Variants in CSMD1 observed in about 807,000 individuals in gnomAD.
CSMD1 encodes CUB and sushi domain-containing protein 1.
A neutral mutation model predicts 417.5 loss-of-function variants in CSMD1; 213 were observed. The observed-to-expected ratio is 0.51, with a 90% CI of 0.46 to 0.57. The LOEUF (loss-of-function observed/expected upper bound fraction) is 0.57, where lower values mean the gene tolerates loss of function less well. Among genes scored for constraint, CSMD1 ranks in the 20% least tolerant of loss-of-function variants. The pLI is 0.00. For synonymous variants in CSMD1, 2,862 were observed against 1,736.8 expected (o/e 1.65, Z -16.11); for missense variants, 6,923 against 4,529.7 (o/e 1.53, Z -15.17).
At chr8:4,775,831 C>T (rs1480615890) in intron 1 of CSMD1, among the ~76,000 whole-genome samples, 3 of 152,072 alleles carry the variant, frequency 2.0e-5, no homozygotes, top group Non-Finnish European at 2.9e-5. Context: ...GAAAGTTCCC[C>T]TTAATATTGT....
intron 3 of CSMD1, among the ~76,000 whole-genome samples, chr8:4,056,895 A>G (rs1243610093): frequency 1.3e-5 from 2 of 152,208 alleles, no homozygotes; most frequent in African/African-American, 2.4e-5. Flanking sequence ...ATAGTATTCC[A>G]TAGAGTATAT....
intron 1 of CSMD1, among the ~76,000 whole-genome samples, chr8:4,984,411 T>A (rs1008229049): frequency 2.6e-5 from 4 of 152,226 alleles, no homozygotes; most frequent in African/African-American, 9.6e-5. Context: ...GACCTTCAGC[T>A]TTAAAGAGCA....
chr8:4,903,711 A>G (rs1032762751), intron 1 of CSMD1, among the ~76,000 whole-genome samples: 2 of 152,294 alleles, frequency 1.3e-5, no homozygotes, highest in South Asian at 2.1e-4. Context: ...CCACAACTCT[A>G]AAGAGCAACA....
chr8:3,543,512 G>A (rs920356405), intron 10 of CSMD1, among the ~76,000 whole-genome samples: 14 of 152,132 alleles, frequency 9.2e-5, no homozygotes, highest in Admixed American at 6.6e-5. Context: ...CTGTGGAAAT[G>A]GGAGGATGGC....
At chr8:4,504,332 G>C (rs1345678963) in intron 2 of CSMD1, among the ~76,000 whole-genome samples, 2 of 152,098 alleles carry the variant, frequency 1.3e-5, no homozygotes, top group Non-Finnish European at 2.9e-5. Context: ...AAGGAAAATG[G>C]AGAATTGCTA....
At chr8:3,512,398 T>A (rs75877837) in intron 10 of CSMD1, among the ~76,000 whole-genome samples, 2 of 152,028 alleles carry the variant, frequency 1.3e-5, no homozygotes, top group East Asian at 1.9e-4. Flanking sequence ...TCTCTCCCCA[T>A]AGACAGGCTT....
intron 7 of CSMD1, among the ~76,000 whole-genome samples, chr8:3,617,408 T>A (rs1490434063): frequency 1.3e-5 from 2 of 152,160 alleles, no homozygotes; most frequent in African/African-American, 4.8e-5. Context: ...TTGGATAGAG[T>A]AGCTCTCACT....
At chr8:4,800,946 T>C (rs1798251780) in intron 1 of CSMD1, among the ~76,000 whole-genome samples, 1 of 152,254 alleles carries the variant, frequency 6.6e-6, no homozygotes. Flanking sequence ...CTGATTGTTA[T>C]TTTTTAAAAG....
intron 10 of CSMD1, among the ~76,000 whole-genome samples, chr8:3,501,627 G>A (rs527851369): frequency 6.6e-6 from 1 of 152,136 alleles, no homozygotes; most frequent in African/African-American, 2.4e-5. Flanking sequence ...ACGCTATAAT[G>A]TATCTGATTC....
intron 5 of CSMD1, among the ~76,000 whole-genome samples, chr8:3,932,498 G>C (rs891841419): frequency 6.6e-6 from 1 of 150,454 alleles, no homozygotes; most frequent in Non-Finnish European, 1.5e-5. Context: ...GCTAAGTCTA[G>C]GGAAAGCAGC....
intron 16 of CSMD1, 139 bp downstream of exon 16, chr8:3,399,252 G>T: frequency 1.5e-6 from 1 of 681,070 alleles, no homozygotes. Context: ...TTACAAGTAA[G>T]TGCCTGTTTC....
chr8:3,214,739 T>C (rs928356561), intron 29 of CSMD1, 48 bp from the exon 30 acceptor site: 13 of 1,449,242 alleles, frequency 9.0e-6, no homozygotes, highest in South Asian at 8.2e-5. Context: ...GATCTTATTC[T>C]TGTTTGTGTT....
intron 2 of CSMD1, among the ~76,000 whole-genome samples, chr8:4,492,067 G>C (rs1428744213): frequency 2.0e-5 from 3 of 151,626 alleles, no homozygotes; most frequent in East Asian, 1.9e-4. Context: ...GACCTGTCAA[G>C]ACACAAAAAG....
chr8:3,553,319 C>G (rs1018793276), intron 10 of CSMD1, among the ~76,000 whole-genome samples: 1 of 152,184 alleles, frequency 6.6e-6, no homozygotes, highest in African/African-American at 2.4e-5. Flanking sequence ...GAGCCAATTT[C>G]AGGAATTTTT....
chr8:4,450,886 G>T (rs960346926), intron 2 of CSMD1, among the ~76,000 whole-genome samples: 1 of 152,088 alleles, frequency 6.6e-6, no homozygotes. Context: ...CAACCAGATT[G>T]CGCTAATATA....
At chr8:3,888,567 A>C (rs1806725404) in intron 5 of CSMD1, among the ~76,000 whole-genome samples, 1 of 152,206 alleles carries the variant, frequency 6.6e-6, no homozygotes, top group Non-Finnish European at 1.5e-5. Context: ...TACCAGCTGG[A>C]GAAAGCTGAG....
intron 25 of CSMD1, among the ~76,000 whole-genome samples, chr8:3,306,933 G>A (rs185043203): frequency 6.6e-6 from 1 of 151,784 alleles, no homozygotes; most frequent in Non-Finnish European, 1.5e-5. Context: ...AACACTTTTT[G>A]TTTAAATGTT....
intron 3 of CSMD1, among the ~76,000 whole-genome samples, chr8:4,205,201 T>A (rs1223410154): frequency 6.6e-6 from 1 of 152,230 alleles, no homozygotes; most frequent in African/African-American, 2.4e-5. Context: ...AATAATAGCA[T>A]TGCACATTTC....
At chr8:4,706,672 T>A (rs545470987) in intron 1 of CSMD1, among the ~76,000 whole-genome samples, 57 of 152,174 alleles carry the variant, frequency 3.7e-4, no homozygotes, top group Admixed American at 1.2e-3. Flanking sequence ...TAGTCATCAA[T>A]GTGGCTGAAG....
Sources: allele counts gnomAD v4.1 joint callset (sites outside exome capture counted in the v4.1 genomes callset), GRCh38; gene constraint gnomAD v4.1.1; transcripts MANE v1.5; gene names NCBI Gene and HGNC (gene_info 2026-07-23, HGNC 2026-07-21).